Variants in SRGAP1 observed in about 807,000 individuals in gnomAD.
SRGAP1 encodes SLIT-ROBO Rho GTPase-activating protein 1.
In SRGAP1, 43 loss-of-function variants were observed where a neutral mutation model predicts 121.9. That is an observed-to-expected ratio of 0.35 (90% CI 0.28 to 0.46). SRGAP1 has a LOEUF of 0.46. Ranked by LOEUF, SRGAP1 falls within the 20% of genes least tolerant of loss-of-function variation. SRGAP1 has a pLI of 1.00. For missense variants in SRGAP1, 1,102 were observed against 1,350.9 expected, an observed-to-expected ratio of 0.82 and a Z score of 2.89; for synonymous variants, 447 against 485.4, an observed-to-expected ratio of 0.92 and a Z score of 1.04.
At chr12:64,008,494 T>G (rs1593035357) in intron 3 of SRGAP1, among the ~76,000 whole-genome samples, 1 of 152,198 alleles carries the variant, frequency 6.6e-6, no homozygotes, top group East Asian at 1.9e-4. Context: ...GTTTCTGATT[T>G]CGTTTAAATT....
Position 64,151,379 on chromosome 12 carries a change from T to A in SRGAP1, c.*8707T>A, listed in dbSNP as rs953825510. Reference sequence around the variant, plus strand: ...GTATGAACACATCATTATTTAACCATTTTCCTGTCACTGAGTGAGCCTGTT... The same window carrying A: ...GTATGAACACATCATTATTTAACCAATTTCCTGTCACTGAGTGAGCCTGTT... On this transcript the variant is annotated 3_prime_UTR_variant, in exon 22 of 22. Transcript: ENST00000355086. 2 of 152,164 alleles carry A rather than the reference T, an allele frequency of 1.3e-5. No individual in the cohort carries two copies. The highest frequency in any genetic ancestry group is 2.9e-5 in the Non-Finnish European group (2 of 68,042). 9.4% of individuals were successfully genotyped at this position (152,164 alleles called of 1,614,324 possible).
intron 1 of SRGAP1, among the ~76,000 whole-genome samples, chr12:63,941,788 C>G (rs2031878787): frequency 6.6e-6 from 1 of 151,884 alleles, no homozygotes. Flanking sequence ...TAACCTTGTT[C>G]TCTGGTACAA....
intron 6 of SRGAP1, among the ~76,000 whole-genome samples, chr12:64,049,301 A>G (rs7296577): frequency 0.21 from 32,123 of 152,168 alleles, 3,783 homozygotes; most frequent in Non-Finnish European, 0.27. Context: ...TCACACTGCT[A>G]TAAAGAACTG....
chr12:64,123,126 G>A (rs774046016), intron 18 of SRGAP1, among the ~76,000 whole-genome samples: 1 of 146,256 alleles, frequency 6.8e-6, no homozygotes, highest in Non-Finnish European at 1.5e-5. Flanking sequence ...TTTAATTTTT[G>A]TAAGTAAAGC....
chr12:64,142,686 A>G lies in SRGAP1; in HGVS notation c.*14A>G, dbSNP rs1260826631. On this transcript the variant is annotated 3_prime_UTR_variant, in exon 22 of 22. Transcript: ENST00000355086. ...TGCACAATGTAAAAACCAGCCAAGCAAGGCCATAAAGGGAGGTGACTTAAA... is the reference window on the plus strand; with the variant it reads ...TGCACAATGTAAAAACCAGCCAAGCGAGGCCATAAAGGGAGGTGACTTAAA... 4 of 1,590,254 alleles carry G rather than the reference A, an allele frequency of 2.5e-6. No homozygotes were observed. The African/African-American group carries it at 5.4e-5, about 22-fold the overall frequency.
At chr12:64,082,022 T>TTTTTTTTC (rs10694606) in intron 10 of SRGAP1, 6 of 143,758 alleles carry the variant, frequency 4.2e-5, no homozygotes, top group African/African-American at 1.6e-4. Context: ...TTTTTTTTTT[T>TTTTTTTTC]CAATTTTTCA....
intron 1 of SRGAP1, among the ~76,000 whole-genome samples, chr12:63,971,554 G>C (rs1348847693): frequency 6.6e-6 from 1 of 152,248 alleles, no homozygotes; most frequent in South Asian, 2.1e-4. Context: ...TTTTATTATA[G>C]AGTTTGGCTC....
chr12:64,081,992 A>T (rs1593110083), intron 10 of SRGAP1: 1 of 99,486 alleles, frequency 1.0e-5, no homozygotes, highest in Admixed American at 1.1e-4. Flanking sequence ...TCACAGTGTC[A>T]TGTAAGGTCT....
intron 3 of SRGAP1, among the ~76,000 whole-genome samples, chr12:64,000,308 A>T (rs2033848672): frequency 6.7e-6 from 1 of 149,542 alleles, no homozygotes; most frequent in African/African-American, 2.5e-5. Context: ...AGGACAAACT[A>T]GTTTAAAATG....
chr12:64,099,531 C>T (rs2036220992), intron 15 of SRGAP1, among the ~76,000 whole-genome samples: 1 of 152,174 alleles, frequency 6.6e-6, no homozygotes, highest in South Asian at 2.1e-4. Flanking sequence ...GTATGAATTT[C>T]CCGGTCATAA....
Position 64,095,185 on chromosome 12 carries a change from T to G in SRGAP1, c.1659T>G (p.Ile553Met). ...VSGSQVEVNDIKNSFERGENP... is the reference protein window; with the variant it reads ...VSGSQVEVNDMKNSFERGENP... Reference sequence around the variant, plus strand: ...GTTCCCAGGTGGAAGTCAATGATATTAAAAATTCATTTGAGAGAGGTAATT... The same window carrying G: ...GTTCCCAGGTGGAAGTCAATGATATGAAAAATTCATTTGAGAGAGGTAATT... The change falls in exon 14 of 22, where the codon ATT becomes ATG. Residue 553 changes from isoleucine to methionine, a missense_variant. Physicochemically the swap from Ile to Met is conservative, Grantham distance 10. Around this residue, in one of 3 missense-constraint regions of SRGAP1, gnomAD observed 747 missense variants for 929.4 expected, o/e 0.80. Coordinates refer to ENST00000355086, the MANE Select transcript of SRGAP1 (RefSeq NM_020762.4). The G allele has an allele frequency of 2.5e-6, 4 of 1,614,024 alleles. No individual in the cohort carries two copies. The East Asian group carries it at 8.9e-5, about 36-fold the overall frequency.
intron 3 of SRGAP1, among the ~76,000 whole-genome samples, chr12:64,013,040 A>G (rs572232434): frequency 1.2e-3 from 178 of 152,208 alleles, no homozygotes; most frequent in African/African-American, 3.9e-3. Context: ...ACCTGGCCTC[A>G]CTTATTGAAT....
intron 15 of SRGAP1, among the ~76,000 whole-genome samples, chr12:64,098,641 G>C (rs1421594276): frequency 6.6e-6 from 1 of 150,728 alleles, no homozygotes; most frequent in Non-Finnish European, 1.5e-5. Context: ...CTGCACTCCA[G>C]CCTCGGTGAC....
At chr12:63,924,953 G>T (rs9668434) in intron 1 of SRGAP1, among the ~76,000 whole-genome samples, 39,454 of 152,088 alleles carry the variant, frequency 0.26, 5,511 homozygotes, top group East Asian at 0.52. Context: ...AAATGAGATC[G>T]CAACTTAAGC....
At chr12:64,088,010 AT>A (rs1269214470) in intron 11 of SRGAP1, among the ~76,000 whole-genome samples, 1 of 152,212 alleles carries the variant, frequency 6.6e-6, no homozygotes, top group Non-Finnish European at 1.5e-5. Context: ...AAATTATCTA[AT>A]TAGCATAGCA....
chr12:63,990,782 G>A (rs2033538574), intron 3 of SRGAP1, among the ~76,000 whole-genome samples: 1 of 152,190 alleles, frequency 6.6e-6, no homozygotes, highest in African/African-American at 2.4e-5. Context: ...GCTCACACAT[G>A]ATGAGAAACT....
chr12:63,928,178 T>C (rs1298263150), intron 1 of SRGAP1, among the ~76,000 whole-genome samples: 4 of 152,178 alleles, frequency 2.6e-5, no homozygotes, highest in African/African-American at 9.6e-5. Context: ...ACTTGAAAAT[T>C]GCAGCATGCT....
intron 21 of SRGAP1, among the ~76,000 whole-genome samples, chr12:64,132,479 G>A (rs2036800366): frequency 1.3e-5 from 2 of 152,218 alleles, no homozygotes; most frequent in African/African-American, 4.8e-5. Context: ...GGAACGTGTT[G>A]CCTCCAAAAT....
At chr12:64,001,226 G>A (rs2033886689) in intron 3 of SRGAP1, among the ~76,000 whole-genome samples, 2 of 152,102 alleles carry the variant, frequency 1.3e-5, no homozygotes, top group Admixed American at 1.3e-4. Context: ...ACAATTGAAG[G>A]AAAGTTACAA....
Sources: allele counts gnomAD v4.1 joint callset (sites outside exome capture counted in the v4.1 genomes callset), GRCh38; gene constraint gnomAD v4.1.1; regional missense constraint gnomAD v4.1.1; transcripts MANE v1.5; gene names NCBI Gene and HGNC (gene_info 2026-07-23, HGNC 2026-07-21).